Variants in TTN observed in about 807,000 individuals in gnomAD.
TTN encodes connectin.
Under a neutral mutation model 3,223.0 loss-of-function variants are expected in TTN, and 1,525 were observed. That is an observed-to-expected ratio of 0.47 (90% CI 0.45 to 0.49). The LOEUF is 0.49. TTN is among the 20% of genes least tolerant of loss of function. TTN has a pLI of 0.00. For missense variants in TTN, 40,786 were observed against 43,424.0 expected, an observed-to-expected ratio of 0.94 and a Z score of 5.40; for synonymous variants, 14,094 against 15,161.0, an observed-to-expected ratio of 0.93 and a Z score of 5.17.
In TTN at chr2:178,645,862, G is replaced by A. The variant is rs554165901; in HGVS notation, c.40408+58C>T. ...TACATTTCTTGCAAGCATCATTTCAGATGGCTGGATAGAAGTTTGAAGCAG... is the reference window on the plus strand; with the variant it reads ...TACATTTCTTGCAAGCATCATTTCAAATGGCTGGATAGAAGTTTGAAGCAG... On this transcript the variant is annotated intron_variant, in intron 217 of 362. Transcript: ENST00000589042. 69 of 1,101,770 alleles carry A rather than the reference G, an allele frequency of 6.3e-5. No homozygotes were observed. In the African/African-American group the frequency reaches 8.6e-4, roughly 14 times the overall value. 68.2% of individuals were successfully genotyped at this position (1,101,770 alleles called of 1,614,324 possible). A position where few individuals can be genotyped will look rare whatever the true frequency, so the allele number is the denominator to read the frequency against.
At chr2:178,586,944 TATAAG>T (rs1205726208) in intron 307 of TTN, 137 bp from the exon 308 acceptor site, 4 of 1,362,048 alleles carry the variant, frequency 2.9e-6, no homozygotes, top group Non-Finnish European at 4.0e-6. Flanking sequence ...AAGCAAAACA[TATAAG>T]ATGAGACAGA....
chr2:178,801,517 C>T (rs73973152), intron 3 of TTN, among the ~76,000 whole-genome samples: 2,326 of 152,108 alleles, frequency 0.015, 58 homozygotes, highest in African/African-American at 0.052. Context: ...TGTAACTTTA[C>T]GTAGCTCATG....
Position 178,592,929 on chromosome 2 carries a change from G to A in TTN, c.59190C>T (p.Ala19730=), listed in dbSNP as rs1364802629. 4 of 1,613,430 alleles carry A rather than the reference G, an allele frequency of 2.5e-6. No individual in the cohort carries two copies. The Admixed American group carries it at 6.7e-5, about 27-fold the overall frequency. ...QKVGDEEWRR[A]NHTPESCPET... ...CAGGACATGACTCAGGGGTGTGATT[G>A]GCTCTTCTCCACTCTTCATCTCCAA... is the stretch of plus-strand genomic sequence containing the variant. Residue 19730 remains alanine, a synonymous_variant, in exon 300 of 363, where the codon GCC becomes GCT. Transcript: ENST00000589042.
At chr2:178,749,992 T>C (rs1283837408) in intron 47 of TTN, 3 of 1,613,146 alleles carry the variant, frequency 1.9e-6, no homozygotes, top group East Asian at 4.5e-5. Context: ...TAACTTGATC[T>C]TGAGGCATTG....
chr2:178,582,682 G>T, intron 313 of TTN, 90 bp from the exon 314 acceptor site: 1 of 1,298,130 alleles, frequency 7.7e-7, no homozygotes, highest in Non-Finnish European at 1.0e-6. Flanking sequence ...TCTTTCTATT[G>T]TCAATTTCCT....
rs1703763143 is a variant in TTN at position 178,561,781 on chromosome 2, A to G, written c.84351T>C (p.Val28117=). The change falls in exon 326 of 363, where the codon GTT becomes GTC. Residue 28117 remains valine, a synonymous_variant. Transcript: ENST00000589042. The part of the protein sequence containing the change: ...QAVARTSIKI[V]RLTTGSEYQF... ...GATACTCACTTCCTGTTGTCAGGCG[A>G]ACTATTTTAATGGATGTTCTTGCAA... 1 of 1,613,530 alleles carries G rather than the reference A, an allele frequency of 6.2e-7. No individual in the cohort carries two copies. Among genetic ancestry groups the G allele is most frequent in the African/African-American group, 1.3e-5 (1 of 74,924 alleles).
rs1046848052 is a variant in TTN at position 178,665,702 on chromosome 2, C to T, written c.35959+6G>A. The T allele has an allele frequency of 1.4e-5, 19 of 1,335,578 alleles. No individual in the cohort carries two copies. In the Admixed American group the frequency reaches 3.3e-4, roughly 24 times the overall value. 82.7% of individuals were successfully genotyped at this position (1,335,578 alleles called of 1,614,324 possible). A position where few individuals can be genotyped will look rare whatever the true frequency, so the allele number is the denominator to read the frequency against. On this transcript the variant is annotated splice_donor_region_variant and intron_variant, in intron 164 of 362. Transcript: ENST00000589042. ...ATGAAGGAAGGAATGGCAGGATGAA[C>T]GATACCTTTAGTGGGAGGTATTTCA...
chr2:178,693,898 C>G (rs779285833), intron 118 of TTN, 24 bp downstream of exon 118: 1 of 1,603,528 alleles, frequency 6.2e-7, no homozygotes, highest in Non-Finnish European at 8.5e-7. Context: ...CATTTGAGCC[C>G]CCACATTCCA....
Position 178,540,113 on chromosome 2 carries a change from C to T in TTN, c.98053G>A (p.Glu32685Lys). The T allele has an allele frequency of 6.2e-7, 1 of 1,610,628 alleles. No homozygotes were observed. The highest frequency in any genetic ancestry group is 8.5e-7 in the Non-Finnish European group (1 of 1,177,342). Reference sequence around the variant, plus strand: ...ACTGTTCCTGGTACCTCAGCAGGCTCACCAGGTCCACCAGCATTACAAGCT... The same window carrying T: ...ACTGTTCCTGGTACCTCAGCAGGCTTACCAGGTCCACCAGCATTACAAGCT... ...VLACNAGGPG[E>K]PAEVPGTVKV... Residue 32685 changes from glutamate (E) to lysine (K), a missense_variant, in exon 351 of 363, where the codon GAG becomes AAG. Coordinates refer to ENST00000589042, the MANE Select transcript of TTN (RefSeq NM_001267550.2).
At position 178,653,333 on chromosome 2, in the gene TTN, T is replaced by A; in HGVS notation, c.38708-12A>T. 1 of 1,611,630 alleles carries A rather than the reference T, an allele frequency of 6.2e-7. No individual in the cohort carries two copies. The highest frequency in any genetic ancestry group is 1.1e-5 in the South Asian group (1 of 90,920). On this transcript the variant is annotated splice_polypyrimidine_tract_variant and intron_variant, in intron 197 of 362. Transcript: ENST00000589042. Reference sequence around the variant, plus strand: ...GGGAGCCTCTGGCACTTAAAAGATATTAGTAAAGTTACATGTAGAGCTATG... The same window carrying A: ...GGGAGCCTCTGGCACTTAAAAGATAATAGTAAAGTTACATGTAGAGCTATG...
Position 178,652,446 on chromosome 2 carries a change from A to G in TTN, c.39127+12T>C. ...GTTTGATCATCTGAAGCCTAAAATC[A>G]GTGACAAATACCTTTAACAGGTGTG... On this transcript the variant is annotated intron_variant, in intron 202 of 362. Coordinates refer to ENST00000589042, the MANE Select transcript of TTN (RefSeq NM_001267550.2). 1 of 1,613,116 alleles carries G rather than the reference A, an allele frequency of 6.2e-7. No homozygotes were observed. The highest frequency in any genetic ancestry group is 8.5e-7 in the Non-Finnish European group (1 of 1,179,434).
In TTN at chr2:178,664,483, C is replaced by G. The variant is rs1466484295; in HGVS notation, c.36257G>C (p.Arg12086Thr). 3 of 1,612,170 alleles carry G rather than the reference C, an allele frequency of 1.9e-6. No individual in the cohort carries two copies. The African/African-American group carries it at 4.0e-5, about 22-fold the overall frequency. ...ACCTTTGACAGGTACAACTTCAGCC[C>G]TTTGGGGAGGATGCACTTTCTTTTC... ...VPEKKVHPPQ[R>T]AEVVPVKVHE... The change falls in exon 168 of 363, where the codon AGG becomes ACG. Residue 12086 changes from arginine (R) to threonine (T), a missense_variant. By Grantham distance (71) the Arg-to-Thr change is moderately conservative. Coordinates refer to ENST00000589042, the MANE Select transcript of TTN (RefSeq NM_001267550.2).
rs886043352 is a variant in TTN at position 178,535,474 on chromosome 2, GCTGGCTCAGTCCATGTTAAGTTGA to G, written c.101117_101140del (p.Val33706_Pro33713del). On this transcript the variant is annotated inframe_deletion, in exon 358 of 363. Coordinates refer to ENST00000589042, the MANE Select transcript of TTN (RefSeq NM_001267550.2). Reference sequence around the variant, plus strand: ...GGTGATTTTGCTGCCACCATCAGAGGCTGGCTCAGTCCATGTTAAGTTGACAGAATCTCGTGAGACATCACTAAC... The same window carrying G: ...GGTGATTTTGCTGCCACCATCAGAGGCAGAATCTCGTGAGACATCACTAAC... 3.7e-6 allele frequency: 6 copies of G among 1,613,750 alleles called. No individual in the cohort carries two copies. Among genetic ancestry groups the G allele is most frequent in the Non-Finnish European group, 5.1e-6 (6 of 1,179,844 alleles).
At chr2:178,790,958 G>T in intron 10 of TTN, 113 bp from the exon 11 acceptor site, 2 of 1,328,122 alleles carry the variant, frequency 1.5e-6, no homozygotes, top group Non-Finnish European at 2.1e-6. Context: ...ACGATAAAAT[G>T]TCAGATTTCC....
At position 178,592,557 on chromosome 2, in the gene TTN, T is replaced by C. The variant is rs370606774; in HGVS notation, c.59448A>G (p.Pro19816=). The change falls in exon 301 of 363, where the codon CCA becomes CCG. Residue 19816 remains proline, a synonymous_variant. Transcript: ENST00000589042. ...LSAIIKGVPF[P]KVTWKKEDRD... ...TGTCTTCTTTTTTCCAAGTTACTTT[T>C]GGGAATGGCACTCCTTTGATGATGG... is the stretch of plus-strand genomic sequence containing the variant. 6.2e-6 allele frequency: 10 copies of C among 1,613,410 alleles called. No individual in the cohort carries two copies. Among genetic ancestry groups the C allele is most frequent in the African/African-American group, 1.3e-5 (1 of 74,894 alleles).
At chr2:178,724,696 G>T in intron 71 of TTN, 158 bp from the exon 72 acceptor site, 1 of 623,534 alleles carries the variant, frequency 1.6e-6, no homozygotes, top group Non-Finnish European at 2.3e-6. Flanking sequence ...TGCAGTCATA[G>T]AATTATAGCT....
chr2:178,734,577 G>C lies in TTN; in HGVS notation c.15247C>G (p.Pro5083Ala). 8.9e-6 allele frequency: 14 copies of C among 1,580,792 alleles called. No individual in the cohort carries two copies. Among genetic ancestry groups the C allele is most frequent in the Non-Finnish European group, 1.2e-5 (14 of 1,163,162 alleles). The change falls in exon 52 of 363, where the codon CCT (proline) becomes GCT (alanine). Residue 5083 changes from proline to alanine, a missense_variant. Pro to Ala is a conservative substitution (Grantham distance 27, BLOSUM62 -1). Transcript: ENST00000589042. ...TTTGTTCCTCTCACTATGTCTGCAGGCTCAAGAGTTTTGATGAAAGAAGGA... is the reference window on the plus strand; with the variant it reads ...TTTGTTCCTCTCACTATGTCTGCAGCCTCAAGAGTTTTGATGAAAGAAGGA... The part of the protein sequence containing the change: ...EPPSFIKTLE[P>A]ADIVRGTNAL...
chr2:178,709,921 C>A, intron 98 of TTN, 65 bp from the exon 99 acceptor site: 2 of 1,482,718 alleles, frequency 1.3e-6, no homozygotes, highest in Non-Finnish European at 1.8e-6. Flanking sequence ...TGAAGCTTTT[C>A]AAGAAAAAAA....
intron 9 of TTN, among the ~76,000 whole-genome samples, chr2:178,793,195 T>C (rs1269534944): frequency 9.2e-5 from 14 of 152,144 alleles, no homozygotes; most frequent in African/African-American, 2.4e-4. Flanking sequence ...GTTCACAGAG[T>C]TCTTTTTCAT....
Sources: gnomAD v4.1 joint callset for allele counts (sites outside exome capture counted in the v4.1 genomes callset) on GRCh38, gnomAD v4.1.1 for gene constraint, MANE v1.5 for transcripts, NCBI Gene and HGNC (gene_info 2026-07-23, HGNC 2026-07-21) for gene names.